The following IL18RAP variants were observed in gnomAD, a reference collection of about 807,000 sequenced individuals.
The protein encoded by IL18RAP is interleukin-18 receptor accessory protein.
IL18RAP carries 37 observed loss-of-function variants against 58.1 expected under a neutral mutation model. The observed-to-expected ratio is 0.64, with a 90% CI of 0.49 to 0.84. The LOEUF (loss-of-function observed/expected upper bound fraction) is 0.84, where lower values mean the gene tolerates loss of function less well. IL18RAP is among the 40% of genes least tolerant of loss of function. The pLI is 0.00. For missense variants in IL18RAP, 667 were observed against 704.8 expected (o/e 0.95, Z 0.61); for synonymous variants, 268 against 257.5 (o/e 1.04, Z -0.39).
In IL18RAP at chr2:102,445,315, C is replaced by T. The variant is rs201740598; in HGVS notation, c.1047C>T (p.Ser349=). Residue 349 remains serine, a synonymous_variant, in exon 7 of 10, where the codon TCC becomes TCT. Transcript: ENST00000687160. ...ACTCCATTGGAAACACAACCCAGTC[C>T]GTCCAACTGAAAGAAAAGAGAGGAG... ...VQNSIGNTTQ[S]VQLKEKRGVV... is the part of the protein sequence containing the mutation. 55 of 1,614,086 alleles carry T rather than the reference C, an allele frequency of 3.4e-5. No homozygotes were observed. In the South Asian group the frequency reaches 4.4e-4, roughly 13 times the overall value.
At chr2:102,447,027 C>G in intron 7 of IL18RAP, 43 bp from the exon 8 acceptor site, 2 of 1,600,044 alleles carry the variant, frequency 1.2e-6, no homozygotes, top group Non-Finnish European at 8.5e-7. Context: ...TTGGTCCAAT[C>G]CCGCTGCCTC....
chr2:102,432,912 A>G (rs994796873), intron 3 of IL18RAP, among the ~76,000 whole-genome samples: 4 of 152,234 alleles, frequency 2.6e-5, no homozygotes, highest in African/African-American at 9.7e-5. Flanking sequence ...TAGCCTTGGC[A>G]TAAACAAACT....
Position 102,441,374 on chromosome 2 carries a change from C to T in IL18RAP, c.793C>T (p.Leu265Phe). 6.2e-7 allele frequency: 1 copy of T among 1,612,636 alleles called. No individual in the cohort carries two copies. Among genetic ancestry groups the T allele is most frequent in the South Asian group, 1.1e-5 (1 of 91,050 alleles). ...DPVEDTLEVE[L>F]GKPLTISCKA... ...TGTCGAGGACACACTGGAAGTAGAA[C>T]TTGGTAAGCTGGGCCTCATCGCCTT... The change falls in exon 5 of 10, where the codon CTT becomes TTT. Residue 265 changes from leucine (L) to phenylalanine (F), a missense_variant. Physicochemically the swap from Leu to Phe is conservative, Grantham distance 22. Transcript: ENST00000687160.
chr2:102,437,114 T>C, intron 3 of IL18RAP, 98 bp from the exon 4 acceptor site: 1 of 1,117,144 alleles, frequency 9.0e-7, no homozygotes. Context: ...ATTGACCTTC[T>C]TCCTCCCTGT....
chr2:102,450,932 A>G lies in IL18RAP; in HGVS notation c.1295A>G (p.His432Arg). 6.2e-7 allele frequency: 1 copy of G among 1,612,820 alleles called. No individual in the cohort carries two copies. Among genetic ancestry groups the G allele is most frequent in the Non-Finnish European group, 8.5e-7 (1 of 1,179,398 alleles). Reference protein sequence around the residue: ...SEATSSLSEEHLALSLFPDVL... With the variant: ...SEATSSLSEERLALSLFPDVL... ...GCCACTTCATCTCTGAGTGAAGAAC[A>G]CTTGGCCCTGAGCCTATTTCCTGAT... The change falls in exon 9 of 10, where the codon CAC becomes CGC. Residue 432 changes from histidine (H) to arginine (R), a missense_variant. Physicochemically the swap from His to Arg is conservative, Grantham distance 29. Coordinates refer to ENST00000687160, the MANE Select transcript of IL18RAP (RefSeq NM_001393487.1).
At chr2:102,447,412 C>A (rs1683493829) in intron 8 of IL18RAP, among the ~76,000 whole-genome samples, 1 of 152,186 alleles carries the variant, frequency 6.6e-6, no homozygotes, top group African/African-American at 2.4e-5. Flanking sequence ...AAGTCATGCC[C>A]CTGAGGTTTT....
chr2:102,431,909 A>T (rs570833284), intron 3 of IL18RAP, among the ~76,000 whole-genome samples: 2 of 151,982 alleles, frequency 1.3e-5, no homozygotes, highest in Non-Finnish European at 2.9e-5. Flanking sequence ...AAGTTTTGTC[A>T]GTTATTTCTT....
chr2:102,430,239 A>C (rs925698025), intron 3 of IL18RAP, among the ~76,000 whole-genome samples: 2 of 152,006 alleles, frequency 1.3e-5, no homozygotes, highest in African/African-American at 4.8e-5. Flanking sequence ...AAGCGCTCTA[A>C]TGTTGGGTGC....
intron 4 of IL18RAP, among the ~76,000 whole-genome samples, chr2:102,440,890 A>T (rs899249026): frequency 1.3e-5 from 2 of 152,152 alleles, no homozygotes; most frequent in Non-Finnish European, 2.9e-5. Context: ...GAAATAAACC[A>T]TGAGTTTAAG....
intron 3 of IL18RAP, among the ~76,000 whole-genome samples, chr2:102,428,748 C>G (rs977226582): frequency 2.0e-5 from 3 of 151,790 alleles, no homozygotes; most frequent in Non-Finnish European, 3.0e-5. Context: ...TATGATGAAA[C>G]GAGGTAGTAA....
intron 6 of IL18RAP, among the ~76,000 whole-genome samples, chr2:102,443,606 G>T (rs895902506): frequency 1.3e-5 from 2 of 152,304 alleles, no homozygotes; most frequent in South Asian, 4.1e-4. Context: ...ATATGTCCAA[G>T]AAATGGGAGG....
At chr2:102,447,981 G>T (rs555893325) in intron 8 of IL18RAP, among the ~76,000 whole-genome samples, 2 of 152,046 alleles carry the variant, frequency 1.3e-5, no homozygotes, top group Non-Finnish European at 2.9e-5. Context: ...TGATCCGTCC[G>T]CCTCGGCCTC....
chr2:102,451,017 A>G lies in IL18RAP; in HGVS notation c.1380A>G (p.Gly460=). 6.3e-7 allele frequency: 1 copy of G among 1,592,654 alleles called. No individual in the cohort carries two copies. The highest frequency in any genetic ancestry group is 2.2e-5 in the East Asian group (1 of 44,470). The change falls in exon 9 of 10, where the codon GGA becomes GGG. Residue 460 remains glycine, a synonymous_variant. Coordinates refer to ENST00000687160, the MANE Select transcript of IL18RAP (RefSeq NM_001393487.1). ...LCLLERDVAP[G]GVYAEDIVSI... is the part of the protein sequence containing the mutation. The stretch of plus-strand genomic sequence containing the variant: ...TGCTTGAAAGAGATGTGGCTCCAGG[A>G]GGAGGTAAGTCCAACATGTCAAGAA...
intron 3 of IL18RAP, among the ~76,000 whole-genome samples, chr2:102,425,511 T>C (rs1405262107): frequency 6.6e-6 from 1 of 152,070 alleles, no homozygotes; most frequent in Non-Finnish European, 1.5e-5. Context: ...ACTGAAAGAA[T>C]GCTGGTCTCA....
chr2:102,420,520 C>G (rs1681508817), upstream of IL18RAP, among the ~76,000 whole-genome samples: 1 of 152,180 alleles, frequency 6.6e-6, no homozygotes, highest in Non-Finnish European at 1.5e-5. Flanking sequence ...TAGGCAGTAT[C>G]TGTCATCTCA....
At chr2:102,448,603 T>C (rs1453386627) in intron 8 of IL18RAP, among the ~76,000 whole-genome samples, 1 of 152,120 alleles carries the variant, frequency 6.6e-6, no homozygotes, top group Non-Finnish European at 1.5e-5. Flanking sequence ...TTCCAGTGCG[T>C]TCCCAAACTA....
At chr2:102,430,973 C>CA (rs1558637542) in intron 3 of IL18RAP, among the ~76,000 whole-genome samples, 1 of 152,122 alleles carries the variant, frequency 6.6e-6, no homozygotes, top group African/African-American at 2.4e-5. Flanking sequence ...ATATACCACC[C>CA]TTACATTATT....
chr2:102,429,300 A>G (rs565004170), intron 3 of IL18RAP, among the ~76,000 whole-genome samples: 22 of 151,982 alleles, frequency 1.4e-4, no homozygotes, highest in African/African-American at 2.2e-4. Flanking sequence ...CAATCTTGGT[A>G]GGTTGTATGT....
intron 3 of IL18RAP, among the ~76,000 whole-genome samples, chr2:102,430,475 A>G (rs1682267967): frequency 6.6e-6 from 1 of 152,016 alleles, no homozygotes; most frequent in African/African-American, 2.4e-5. Context: ...TGAAGGCAGC[A>G]TATAGCTGAA....
Sources: gnomAD v4.1 joint callset for allele counts (sites outside exome capture counted in the v4.1 genomes callset) on GRCh38, gnomAD v4.1.1 for gene constraint, MANE v1.5 for transcripts, NCBI Gene and HGNC (gene_info 2026-07-23, HGNC 2026-07-21) for gene names.